Variants in MAGI2 observed in about 807,000 individuals in gnomAD.
The protein encoded by MAGI2 is membrane-associated guanylate kinase, WW and PDZ domain-containing protein 2.
A neutral mutation model predicts 133.3 loss-of-function variants in MAGI2; 35 were observed. The ratio of observed to expected loss-of-function variants is 0.26; its 90% CI spans 0.20 to 0.35. MAGI2 has a LOEUF of 0.35. MAGI2 is among the 10% of genes least tolerant of loss of function. The pLI, the probability that MAGI2 is intolerant of heterozygous loss-of-function variation, is 1.00. For synonymous variants in MAGI2, 729 were observed against 710.6 expected (o/e 1.03, Z -0.41); for missense variants, 1,636 against 1,863.4 (o/e 0.88, Z 2.25).
At chr7:78,723,739 A>G (rs1028180402) in intron 2 of MAGI2, among the ~76,000 whole-genome samples, 1 of 152,176 alleles carries the variant, frequency 6.6e-6, no homozygotes, top group African/African-American at 2.4e-5. Context: ...AGGAATGTCA[A>G]AACCAGGGAG....
At chr7:79,294,384 G>T (rs1382007758) in intron 1 of MAGI2, among the ~76,000 whole-genome samples, 2 of 151,832 alleles carry the variant, frequency 1.3e-5, no homozygotes, top group Non-Finnish European at 2.9e-5. Context: ...AAGCTAGAGA[G>T]GTTCCCATTA....
At chr7:78,177,443 CACAG>C (rs1826763959) in intron 14 of MAGI2, among the ~76,000 whole-genome samples, 2 of 147,120 alleles carry the variant, frequency 1.4e-5, no homozygotes, top group African/African-American at 5.2e-5. Flanking sequence ...CACACACACA[CACAG>C]ACACACACAC....
At chr7:78,573,205 AAT>A (rs1228998289) in intron 3 of MAGI2, among the ~76,000 whole-genome samples, 95 of 84,468 alleles carry the variant, frequency 1.1e-3, no homozygotes, top group African/African-American at 4.7e-3. Flanking sequence ...TATATATATA[AAT>A]ATATATATAA....
At chr7:78,609,299 T>A (rs1014121090) in intron 3 of MAGI2, among the ~76,000 whole-genome samples, 1 of 152,140 alleles carries the variant, frequency 6.6e-6, no homozygotes, top group African/African-American at 2.4e-5. Flanking sequence ...TGAAGCCATA[T>A]ATATCTCCTG....
At chr7:78,609,937 G>A (rs117152418) in intron 3 of MAGI2, among the ~76,000 whole-genome samples, 39 of 152,232 alleles carry the variant, frequency 2.6e-4, no homozygotes, top group Non-Finnish European at 5.4e-4. Context: ...CTAGTTTAAT[G>A]TAACTATTGT....
intron 2 of MAGI2, among the ~76,000 whole-genome samples, chr7:79,001,645 C>T (rs1806867559): frequency 6.6e-6 from 1 of 152,138 alleles, no homozygotes; most frequent in South Asian, 2.1e-4. Flanking sequence ...CAAATATATG[C>T]AATCATTATG....
At position 78,068,221 on chromosome 7, in the gene MAGI2, C is replaced by T. The variant is rs373563679; in HGVS notation, c.3706+10726G>A. Among the ~76,000 whole-genome samples, 49 of 152,298 alleles carry T rather than the reference C, an allele frequency of 3.2e-4. No homozygotes were observed. In the Middle Eastern group the frequency reaches 0.014, roughly 42 times the overall value. On this transcript the variant is annotated intron_variant, in intron 21 of 21. Coordinates refer to ENST00000354212, the MANE Select transcript of MAGI2 (RefSeq NM_012301.4). Reference sequence around the variant, plus strand: ...ACCTAGATCCCTTGCATGTGCCATTCGCAGTAGGGTTTGCGCCCCTATGAG... The same window carrying T: ...ACCTAGATCCCTTGCATGTGCCATTTGCAGTAGGGTTTGCGCCCCTATGAG...
intron 2 of MAGI2, among the ~76,000 whole-genome samples, chr7:78,870,435 AT>A (rs1340779472): frequency 3.3e-5 from 5 of 152,260 alleles, no homozygotes; most frequent in Non-Finnish European, 7.4e-5. Flanking sequence ...TGACCAAAAA[AT>A]ATACAAAAAA....
intron 10 of MAGI2, among the ~76,000 whole-genome samples, chr7:78,223,975 A>G (rs189726652): frequency 6.6e-6 from 1 of 152,334 alleles, no homozygotes; most frequent in East Asian, 1.9e-4. Context: ...ATTGACTTGC[A>G]GAAGCAATTG....
intron 1 of MAGI2, among the ~76,000 whole-genome samples, chr7:79,335,328 T>C (rs1405121432): frequency 6.6e-6 from 1 of 152,090 alleles, no homozygotes; most frequent in Non-Finnish European, 1.5e-5. Context: ...TCAGTGACCA[T>C]GGTTTATGTA....
intron 2 of MAGI2, among the ~76,000 whole-genome samples, chr7:78,921,621 C>A (rs529422506): frequency 6.6e-6 from 1 of 151,348 alleles, no homozygotes; most frequent in African/African-American, 2.4e-5. Context: ...AGATTTATCA[C>A]TTTTCAACAG....
intron 1 of MAGI2, among the ~76,000 whole-genome samples, chr7:79,253,826 A>T (rs1554421469): frequency 6.6e-6 from 1 of 152,174 alleles, no homozygotes; most frequent in Non-Finnish European, 1.5e-5. Context: ...TATTCTACAA[A>T]TTTTAAAAGT....
intron 3 of MAGI2, among the ~76,000 whole-genome samples, chr7:78,580,701 C>G (rs1372776784): frequency 6.6e-6 from 1 of 152,204 alleles, no homozygotes; most frequent in East Asian, 1.9e-4. Context: ...TAAGTGAATT[C>G]TGATGCCTAC....
intron 6 of MAGI2, among the ~76,000 whole-genome samples, chr7:78,432,483 C>T (rs750791396): frequency 2.6e-5 from 4 of 152,014 alleles, no homozygotes; most frequent in Non-Finnish European, 5.9e-5. Context: ...AAATAAGCTA[C>T]GTGTGATTTT....
chr7:78,877,082 C>A (rs1040244989), intron 2 of MAGI2, among the ~76,000 whole-genome samples: 1 of 152,270 alleles, frequency 6.6e-6, no homozygotes, highest in Admixed American at 6.5e-5. Flanking sequence ...ACAAGATGAT[C>A]CAAGCTTACC....
chr7:78,386,919 A>C (rs1795441234), intron 6 of MAGI2, among the ~76,000 whole-genome samples: 1 of 152,148 alleles, frequency 6.6e-6, no homozygotes, highest in Non-Finnish European at 1.5e-5. Flanking sequence ...TGTACCTAGA[A>C]CACCACCAAC....
chr7:78,557,532 G>T (rs1450320106), intron 3 of MAGI2, among the ~76,000 whole-genome samples: 1 of 152,112 alleles, frequency 6.6e-6, no homozygotes, highest in Admixed American at 6.5e-5. Flanking sequence ...CCAAGTGATG[G>T]TACTATGAAA....
At chr7:78,185,604 A>G in intron 13 of MAGI2, 25 bp downstream of exon 13, 4 of 1,541,384 alleles carry the variant, frequency 2.6e-6, no homozygotes, top group Non-Finnish European at 3.5e-6. Context: ...TGTTCACAGA[A>G]CTGTGAGTAC....
chr7:78,231,781 T>G (rs1789999491), intron 10 of MAGI2, among the ~76,000 whole-genome samples: 2 of 152,174 alleles, frequency 1.3e-5, no homozygotes, highest in Admixed American at 1.3e-4. Flanking sequence ...GACTTTAGGC[T>G]GAAGAAAGGA....
Sources: gnomAD v4.1 joint callset for allele counts (sites outside exome capture counted in the v4.1 genomes callset) on GRCh38, gnomAD v4.1.1 for gene constraint, MANE v1.5 for transcripts, NCBI Gene and HGNC (gene_info 2026-07-23, HGNC 2026-07-21) for gene names.